Variants in TJP3 observed in about 807,000 individuals in gnomAD.
TJP3 encodes the protein tight junction protein ZO-3.
In TJP3, 85 loss-of-function variants were observed where a neutral mutation model predicts 104.2. The ratio of observed to expected loss-of-function variants is 0.82; its 90% CI spans 0.68 to 0.98. TJP3 has a LOEUF of 0.98. Among genes scored for constraint, TJP3 ranks in the 50% least tolerant of loss-of-function variants. The probability of loss-of-function intolerance (pLI) is 0.00; values close to 1 mark genes in which losing one functional copy is unlikely to be tolerated. For synonymous variants in TJP3, 550 were observed against 550.6 expected (o/e 1.00, Z 0.02); for missense variants, 1,367 against 1,322.8 (o/e 1.03, Z -0.52).
intron 11 of TJP3, 51 bp downstream of exon 11, chr19:3,736,372 C>T (rs749378852): frequency 3.4e-6 from 5 of 1,463,174 alleles, no homozygotes; most frequent in Non-Finnish European, 4.5e-6. Flanking sequence ...GTGCAGTGTG[C>T]TAGGTCCTGC....
intron 19 of TJP3, among the ~76,000 whole-genome samples, chr19:3,749,008 A>G (rs1400927963): frequency 3.3e-5 from 5 of 149,742 alleles, no homozygotes; most frequent in Admixed American, 6.7e-5. Flanking sequence ...ACAGGTGAGC[A>G]CCACCATGCC....
At chr19:3,736,878 CTTTT>C (rs35482912) in intron 11 of TJP3, among the ~76,000 whole-genome samples, 2 of 111,682 alleles carry the variant, frequency 1.8e-5, no homozygotes, top group African/African-American at 3.6e-5. Flanking sequence ...GCCTGGCTAA[CTTTT>C]TTTTTTTTTT....
At chr19:3,721,129 T>C (rs891869803) in intron 1 of TJP3, among the ~76,000 whole-genome samples, 1 of 152,070 alleles carries the variant, frequency 6.6e-6, no homozygotes, top group African/African-American at 2.4e-5. Context: ...CTCGAACTGC[T>C]GACCTCGTGA....
intron 1 of TJP3, among the ~76,000 whole-genome samples, chr19:3,710,868 G>A (rs1272791887): frequency 6.6e-6 from 1 of 152,022 alleles, no homozygotes; most frequent in African/African-American, 2.4e-5. Context: ...CTGCACAGAG[G>A]GTAACATGCG....
rs1476116047 is a variant in TJP3 at position 3,734,378 on chromosome 19, C to T, written c.929C>T (p.Pro310Leu). ...TCGCAGGCACCACCATCCCACATCC[C>T]ACCACCACCCCGGCATGCTCAGCGG... Reference protein sequence around the residue: ...ELSQAPPSHIPPPPRHAQRSP... With the variant: ...ELSQAPPSHILPPPRHAQRSP... Residue 310 changes from proline (P) to leucine (L), a missense_variant, in exon 8 of 21, where the codon CCA (proline) becomes CTA (leucine). Pro to Leu is a moderately conservative substitution (Grantham distance 98). Coordinates refer to ENST00000541714, the MANE Select transcript of TJP3 (RefSeq NM_001267560.2). The T allele has an allele frequency of 1.9e-6, 3 of 1,613,530 alleles. No homozygotes were observed. Among genetic ancestry groups the T allele is most frequent in the Non-Finnish European group, 2.5e-6 (3 of 1,179,996 alleles).
Position 3,735,553 on chromosome 19 carries a change from T to C in TJP3, c.987-13T>C, listed in dbSNP as rs1219569421. 2 of 1,613,894 alleles carry C rather than the reference T, an allele frequency of 1.2e-6. No homozygotes were observed. Among genetic ancestry groups the C allele is most frequent in the Non-Finnish European group, 1.7e-6 (2 of 1,179,894 alleles). ...ATCCATCCCTGCCTCACTCCCAATC[T>C]GTTCCCCACCAGGGAGAGTCCCCGG... is the stretch of plus-strand genomic sequence containing the variant. On this transcript the variant is annotated splice_polypyrimidine_tract_variant and intron_variant, in intron 8 of 20. Coordinates refer to ENST00000541714, the MANE Select transcript of TJP3 (RefSeq NM_001267560.2).
intron 1 of TJP3, among the ~76,000 whole-genome samples, chr19:3,722,508 G>C (rs2036551013): frequency 7.0e-6 from 1 of 141,892 alleles, no homozygotes; most frequent in Non-Finnish European, 1.5e-5. Flanking sequence ...TGTGTACAAA[G>C]CTATTAACAG....
Position 3,739,350 on chromosome 19 carries a change from C to T in TJP3, c.1631+216C>T, listed in dbSNP as rs189862201. ...ACTAAAAATACAAAAATTAGCTGGG[C>T]GTGGTGGCACATGCCTATAATCCCA... is the stretch of plus-strand genomic sequence containing the variant. On this transcript the variant is annotated intron_variant, in intron 13 of 20. Transcript: ENST00000541714. Among the ~76,000 whole-genome samples, 475 of 152,240 alleles carry T rather than the reference C, an allele frequency of 3.1e-3. 3 individuals are homozygous for T. The highest frequency in any genetic ancestry group is 0.01 in the African/African-American group (416 of 41,528).
intron 1 of TJP3, among the ~76,000 whole-genome samples, chr19:3,724,239 A>G (rs1026141255): frequency 1.5e-4 from 22 of 151,252 alleles, no homozygotes; most frequent in South Asian, 8.4e-4. Flanking sequence ...TCTGTCGCCC[A>G]GGCTGGAGTG....
chr19:3,730,657 G>A lies in TJP3; in HGVS notation c.564G>A (p.Val188=), dbSNP rs770816456. 9 of 1,611,300 alleles carry A rather than the reference G, an allele frequency of 5.6e-6. No homozygotes were observed. Among genetic ancestry groups the A allele is most frequent in the East Asian group, 2.2e-5 (1 of 44,880 alleles). ...TTAAGCGGCTGCCACGGCAGGACGT[G>A]CAGATGAAGCCTGTGAAGTCAGTGC... ...SGFKRLPRQD[V]QMKPVKSVLV... is the part of the protein sequence containing the mutation. The change falls in exon 5 of 21, where the codon GTG becomes GTA. Residue 188 remains valine, a synonymous_variant. Coordinates refer to ENST00000541714, the MANE Select transcript of TJP3 (RefSeq NM_001267560.2). This position sits in a 1 kb window ranked among gnomAD's most constrained non-coding sequence, Gnocchi z 7.3.
intron 1 of TJP3, among the ~76,000 whole-genome samples, chr19:3,727,236 C>A (rs911687555): frequency 1.3e-5 from 2 of 152,086 alleles, no homozygotes; most frequent in South Asian, 4.1e-4. Flanking sequence ...GTAATCCCAG[C>A]ACTTTGGAAG....
intron 19 of TJP3, among the ~76,000 whole-genome samples, chr19:3,748,848 C>CT (rs71166925): frequency 0.084 from 4,116 of 48,810 alleles, 1,284 homozygotes; most frequent in Non-Finnish European, 0.11. Context: ...TGCACCCGGC[C>CT]TTTTTTTTTT....
intron 1 of TJP3, among the ~76,000 whole-genome samples, chr19:3,720,595 G>C (rs555642653): frequency 1.2e-4 from 19 of 152,068 alleles, no homozygotes; most frequent in Admixed American, 5.9e-4. Context: ...CCTTGGGGTG[G>C]GGCCCAGGCA....
intron 3 of TJP3, among the ~76,000 whole-genome samples, chr19:3,729,531 A>G (rs1012170293): frequency 6.6e-6 from 1 of 152,178 alleles, no homozygotes; most frequent in Non-Finnish European, 1.5e-5. Context: ...CTGCAATCCC[A>G]GCACTTTGGG....
At chr19:3,743,762 G>C (rs535945653) in intron 14 of TJP3, 177 bp from the exon 15 acceptor site, 1 of 583,704 alleles carries the variant, frequency 1.7e-6, no homozygotes, top group Non-Finnish European at 3.0e-6. Flanking sequence ...CCATTATTTG[G>C]TCATAAGGCT....
At chr19:3,721,574 C>T (rs895187291) in intron 1 of TJP3, 3 of 223,474 alleles carry the variant, frequency 1.3e-5, no homozygotes, top group South Asian at 1.8e-4. Context: ...CCGCGGCCGC[C>T]GGCCCCCTCT....
At chr19:3,741,061 C>T (rs966692686) in intron 14 of TJP3, among the ~76,000 whole-genome samples, 6 of 151,934 alleles carry the variant, frequency 3.9e-5, no homozygotes, top group South Asian at 2.1e-4. Flanking sequence ...AGTGCAATAG[C>T]GTGATCTGAG....
rs886899040 is a variant in TJP3 at position 3,750,758 on chromosome 19, C to A, written c.*74C>A. 3 of 1,306,896 alleles carry A rather than the reference C, an allele frequency of 2.3e-6. No homozygotes were observed. Among genetic ancestry groups the A allele is most frequent in the African/African-American group, 2.9e-5 (2 of 68,348 alleles). 81.0% of individuals were successfully genotyped at this position (1,306,896 alleles called of 1,614,324 possible). A position where few individuals can be genotyped will look rare whatever the true frequency, so the allele number is the denominator to read the frequency against. ...CTGGGACTCAGTTTCCCATACAGAA[C>A]CCACAACCTTACCTCCCTCCGCCTG... On this transcript the variant is annotated 3_prime_UTR_variant, in exon 21 of 21. Transcript: ENST00000541714.
At chr19:3,739,601 CTGT>C (rs1423076478) in intron 13 of TJP3, among the ~76,000 whole-genome samples, 1 of 152,206 alleles carries the variant, frequency 6.6e-6, no homozygotes, top group Non-Finnish European at 1.5e-5. Flanking sequence ...TATGAGCTTC[CTGT>C]TGTTGCTGTA....
Sources: allele counts gnomAD v4.1 joint callset (sites outside exome capture counted in the v4.1 genomes callset), GRCh38; gene constraint gnomAD v4.1.1; non-coding constraint Gnocchi (gnomAD v3.1); transcripts MANE v1.5; gene names NCBI Gene and HGNC (gene_info 2026-07-23, HGNC 2026-07-21).